Variants in SPATC1 observed in about 807,000 individuals in gnomAD.
SPATC1 encodes speriolin.
Under a neutral mutation model 36.5 loss-of-function variants are expected in SPATC1, and 35 were observed. The ratio of observed to expected loss-of-function variants is 0.96; its 90% CI spans 0.73 to 1.27. SPATC1 has a LOEUF of 1.27. SPATC1 is among the 50% of genes most tolerant of loss of function. SPATC1 has a pLI of 0.00. For synonymous variants in SPATC1, 361 were observed against 353.6 expected (o/e 1.02, Z -0.24); for missense variants, 779 against 796.0 (o/e 0.98, Z 0.26).
chr8:144,043,041 G>A (rs1835158632), intron 4 of SPATC1, among the ~76,000 whole-genome samples: 2 of 146,024 alleles, frequency 1.4e-5, no homozygotes, highest in Non-Finnish European at 3.0e-5. Flanking sequence ...CACCCAGGCT[G>A]GAGTGCAGTG....
At chr8:144,038,393 A>T in intron 1 of SPATC1, among the ~76,000 whole-genome samples, 1 of 148,726 alleles carries the variant, frequency 6.7e-6, no homozygotes. Flanking sequence ...AGATTGTGCC[A>T]CTGCACTCCA....
Position 144,046,989 on chromosome 8 carries a change from C to G in SPATC1, c.*33C>G. ...GCTGGGAGGTCCAGGCTCGCTCAGC[C>G]CCACAGCCCTGTGCACGGCCATTAA... On this transcript the variant is annotated 3_prime_UTR_variant, in exon 5 of 5. Coordinates refer to ENST00000377470, the MANE Select transcript of SPATC1 (RefSeq NM_198572.3). This position sits in a 1 kb window ranked among gnomAD's most constrained non-coding sequence, Gnocchi z 6.6. 6.3e-7 allele frequency: 1 copy of G among 1,575,924 alleles called. No individual in the cohort carries two copies. Among genetic ancestry groups the G allele is most frequent in the East Asian group, 2.2e-5 (1 of 44,648 alleles).
chr8:144,032,145 A>T lies in SPATC1; in HGVS notation c.212-7764A>T, dbSNP rs1049728684. On this transcript the variant is annotated intron_variant, in intron 1 of 4. Transcript: ENST00000377470. ...CCCAGAGGTCTCTTAGGCTTTATTCATTTTTCTTTCTATTCCTGAAACTGG... is the reference window on the plus strand; with the variant it reads ...CCCAGAGGTCTCTTAGGCTTTATTCTTTTTTCTTTCTATTCCTGAAACTGG... Among the ~76,000 whole-genome samples the T allele has an allele frequency of 6.0e-5, 9 of 150,222 alleles. No homozygotes were observed. In the East Asian group the frequency reaches 1.6e-3, roughly 26 times the overall value.
chr8:144,046,225 G>A lies in SPATC1; in HGVS notation c.1447-402G>A, dbSNP rs1221184359. ...AGCACGGAGCCAGGAGGAGGCCTGG[G>A]AAAGACCCCAGACTCCTGGGTCAGG... is the stretch of plus-strand genomic sequence containing the variant. On this transcript the variant is annotated intron_variant, in intron 4 of 4. Coordinates refer to ENST00000377470, the MANE Select transcript of SPATC1 (RefSeq NM_198572.3). The surrounding 1 kb of genome is among the most constrained non-coding windows in gnomAD (Gnocchi z 6.6). Among the ~76,000 whole-genome samples, 1 of 152,104 alleles carries A rather than the reference G, an allele frequency of 6.6e-6. No homozygotes were observed. Among genetic ancestry groups the A allele is most frequent in the Non-Finnish European group, 1.5e-5 (1 of 67,988 alleles).
At position 144,012,715 on chromosome 8, in the gene SPATC1, G is replaced by C. The variant is rs112699293; in HGVS notation, c.200G>C (p.Arg67Pro). The C allele has an allele frequency of 1.3e-6, 2 of 1,551,620 alleles. No homozygotes were observed. Among genetic ancestry groups the C allele is most frequent in the East Asian group, 2.4e-5 (1 of 40,910 alleles). ...GAGGCAACAGCAGGCCTTTCCTCAC[G>C]CCAGAACAATGGTAAGAGGCCTCGC... Reference protein sequence around the residue: ...LGEATAGLSSRQNNGVFLPPS... With the variant: ...LGEATAGLSSPQNNGVFLPPS... The change falls in exon 1 of 5, where the codon CGC becomes CCC. Residue 67 changes from arginine (R) to proline (P), a missense_variant. Coordinates refer to ENST00000377470, the MANE Select transcript of SPATC1 (RefSeq NM_198572.3).
intron 4 of SPATC1, 90 bp downstream of exon 4, chr8:144,041,461 C>T (rs782771054): frequency 2.2e-5 from 33 of 1,518,934 alleles, no homozygotes; most frequent in Non-Finnish European, 2.7e-5. Context: ...CCAAACTTGC[C>T]AGGACCTGAG....
At chr8:144,012,869 C>A in intron 1 of SPATC1, 143 bp downstream of exon 1, 1 of 846,204 alleles carries the variant, frequency 1.2e-6, no homozygotes, top group Non-Finnish European at 1.9e-6. Flanking sequence ...CTCAGCTCAC[C>A]AGACAATGTG....
chr8:144,043,130 T>A (rs1448859648), intron 4 of SPATC1, among the ~76,000 whole-genome samples: 1 of 151,616 alleles, frequency 6.6e-6, no homozygotes, highest in Non-Finnish European at 1.5e-5. Flanking sequence ...GTAGCTGGGA[T>A]TACAGGCACC....
chr8:144,038,793 A>G (rs1225686923), intron 1 of SPATC1, among the ~76,000 whole-genome samples: 2 of 152,192 alleles, frequency 1.3e-5, no homozygotes, highest in African/African-American at 4.8e-5. Context: ...GTATTCATCC[A>G]TAAAGGTTTG....
chr8:144,040,535 C>T, intron 2 of SPATC1, 33 bp from the exon 3 acceptor site: 3 of 1,562,986 alleles, frequency 1.9e-6, no homozygotes, highest in East Asian at 2.2e-5. Context: ...TCTAATCCCC[C>T]TTTTTTTATT....
At chr8:144,018,623 G>A (rs1834439199) in intron 1 of SPATC1, among the ~76,000 whole-genome samples, 1 of 152,114 alleles carries the variant, frequency 6.6e-6, no homozygotes, top group African/African-American at 2.4e-5. Context: ...GAGAGCATGA[G>A]TGTGAATGCC....
chr8:144,041,890 G>C, intron 4 of SPATC1: 5 of 946,778 alleles, frequency 5.3e-6, no homozygotes, highest in Non-Finnish European at 6.3e-6. Flanking sequence ...GGGAGCTACT[G>C]TGAGCTGCGT....
intron 1 of SPATC1, among the ~76,000 whole-genome samples, chr8:144,013,324 C>T (rs543485098): frequency 3.3e-5 from 5 of 152,250 alleles, no homozygotes; most frequent in Middle Eastern, 3.4e-3. Flanking sequence ...CCTCAGCCAG[C>T]GTACCCACAG....
intron 1 of SPATC1, among the ~76,000 whole-genome samples, chr8:144,015,845 G>T (rs1290993468): frequency 6.6e-6 from 1 of 151,778 alleles, no homozygotes; most frequent in Non-Finnish European, 1.5e-5. Flanking sequence ...GGATCATAAG[G>T]TCAGGAGACT....
At chr8:144,038,219 G>C (rs1372205892) in intron 1 of SPATC1, among the ~76,000 whole-genome samples, 1 of 151,766 alleles carries the variant, frequency 6.6e-6, no homozygotes, top group Non-Finnish European at 1.5e-5. Flanking sequence ...CAGATCATGA[G>C]GTCAAGAGAT....
chr8:144,041,639 G>A (rs781847997), intron 4 of SPATC1, among the ~76,000 whole-genome samples: 25 of 152,212 alleles, frequency 1.6e-4, no homozygotes, highest in Non-Finnish European at 2.6e-4. Context: ...CTCTGTGGAC[G>A]CACTTGGAGG....
intron 1 of SPATC1, among the ~76,000 whole-genome samples, chr8:144,031,035 A>T (rs921523681): frequency 6.6e-6 from 1 of 152,204 alleles, no homozygotes; most frequent in Admixed American, 6.5e-5. Flanking sequence ...TTTAAGTCAT[A>T]TAGGAAAAAT....
At position 144,012,571 on chromosome 8, in the gene SPATC1, G is replaced by A. The variant is rs1031131658; in HGVS notation, c.56G>A (p.Arg19Gln). ...CGGCATCAGATAGAGAGGCTGGTGC[G>A]GGAAAATGAGGAACTGAAGAAGTTG... ...GLRHQIERLVRENEELKKLVR... is the reference protein window; with the variant it reads ...GLRHQIERLVQENEELKKLVR... The change falls in exon 1 of 5, where the codon CGG becomes CAG. Residue 19 changes from arginine (R) to glutamine (Q), a missense_variant. Physicochemically the swap from Arg to Gln is conservative, Grantham distance 43 (BLOSUM62 1). Transcript: ENST00000377470. 1.9e-5 allele frequency: 29 copies of A among 1,551,606 alleles called. No homozygotes were observed. Among genetic ancestry groups the A allele is most frequent in the Admixed American group, 5.9e-5 (3 of 50,986 alleles).
chr8:144,037,053 G>A (rs1223793340), intron 1 of SPATC1, among the ~76,000 whole-genome samples: 14 of 148,854 alleles, frequency 9.4e-5, no homozygotes, highest in Admixed American at 1.3e-4. Flanking sequence ...AATTTTGGCC[G>A]GGCAGAGGGG....
Sources: allele counts gnomAD v4.1 joint callset (sites outside exome capture counted in the v4.1 genomes callset), GRCh38; gene constraint gnomAD v4.1.1; non-coding constraint Gnocchi (gnomAD v3.1); transcripts MANE v1.5; gene names NCBI Gene and HGNC (gene_info 2026-07-23, HGNC 2026-07-21).